MCUB: variants seen among roughly 807,000 people sequenced by gnomAD.
MCUB encodes the protein mitochondrial calcium uniporter dominant negative subunit beta.
MCUB carries 46 observed loss-of-function variants against 41.4 expected under a neutral mutation model. The ratio of observed to expected loss-of-function variants is 1.11; its 90% CI spans 0.88 to 1.42. MCUB has a LOEUF of 1.42. Ranked by LOEUF, MCUB falls within the 40% of genes most tolerant of loss-of-function variation. The pLI, the probability that MCUB is intolerant of heterozygous loss-of-function variation, is 0.00. For synonymous variants in MCUB, 148 were observed against 148.2 expected (o/e 1.00, Z 0.01); for missense variants, 403 against 404.9 (o/e 1.00, Z 0.04).
At chr4:109,572,195 G>A (rs188680478) in intron 1 of MCUB, among the ~76,000 whole-genome samples, 20 of 152,344 alleles carry the variant, frequency 1.3e-4, no homozygotes, top group South Asian at 6.2e-4. Context: ...CCCTCCAGGC[G>A]TATCATAATA....
In MCUB at chr4:109,659,154, C is replaced by A. The variant is rs138159588; in HGVS notation, c.175+68C>A. ...TCCCTTTCTTCCAAATAAAGAGCTGCGAGAGTTTTGAGCAGAATAGACTTT... is the reference window on the plus strand; with the variant it reads ...TCCCTTTCTTCCAAATAAAGAGCTGAGAGAGTTTTGAGCAGAATAGACTTT... On this transcript the variant is annotated intron_variant, in intron 2 of 7. Transcript: ENST00000394650. 5.6e-4 allele frequency: 543 copies of A among 964,038 alleles called. 2 individuals are homozygous for A. The African/African-American group carries it at 6.8e-3, about 12-fold the overall frequency. The allele number at this position is 964,038 out of a possible 1,614,324, so 59.7% of individuals were successfully genotyped here.
chr4:109,646,471 T>C (rs1561239319), intron 1 of MCUB, among the ~76,000 whole-genome samples: 1 of 152,208 alleles, frequency 6.6e-6, no homozygotes, highest in Non-Finnish European at 1.5e-5. Context: ...CCATCTATTG[T>C]ACCAGATTCT....
chr4:109,641,999 A>G (rs1376292601), intron 1 of MCUB, among the ~76,000 whole-genome samples: 1 of 152,224 alleles, frequency 6.6e-6, no homozygotes, highest in African/African-American at 2.4e-5. Context: ...TGTATACAAA[A>G]TTCTATGGTC....
chr4:109,589,129 A>G (rs893761999), intron 1 of MCUB, among the ~76,000 whole-genome samples: 6 of 152,202 alleles, frequency 3.9e-5, no homozygotes, highest in African/African-American at 1.4e-4. Context: ...AGTGAGAGCT[A>G]CTGGTGTCTT....
intron 1 of MCUB, among the ~76,000 whole-genome samples, chr4:109,620,502 C>T (rs1728229550): frequency 6.7e-6 from 1 of 149,272 alleles, no homozygotes; most frequent in African/African-American, 2.5e-5. Context: ...CTTCAAGTAA[C>T]ATACTAGATA....
At chr4:109,664,809 C>T (rs1010085596) in intron 4 of MCUB, among the ~76,000 whole-genome samples, 1 of 151,930 alleles carries the variant, frequency 6.6e-6, no homozygotes, top group African/African-American at 2.4e-5. Flanking sequence ...CTTTTAGTCC[C>T]GTATACTCTT....
At chr4:109,593,159 A>G (rs28414372) in intron 1 of MCUB, among the ~76,000 whole-genome samples, 3,536 of 152,298 alleles carry the variant, frequency 0.023, 94 homozygotes, top group South Asian at 0.073. Flanking sequence ...GATGGGATGT[A>G]GTGAAAAGGG....
At chr4:109,641,498 C>T (rs1728715502) in intron 1 of MCUB, among the ~76,000 whole-genome samples, 1 of 152,104 alleles carries the variant, frequency 6.6e-6, no homozygotes, top group Non-Finnish European at 1.5e-5. Flanking sequence ...TCAAAGATCA[C>T]AGATCACCAT....
chr4:109,572,466 A>AT (rs1332574811), intron 1 of MCUB, among the ~76,000 whole-genome samples: 1 of 152,218 alleles, frequency 6.6e-6, no homozygotes, highest in Non-Finnish European at 1.5e-5. Flanking sequence ...ATTTAGTAGC[A>AT]TTTTATAGAC....
intron 1 of MCUB, among the ~76,000 whole-genome samples, chr4:109,605,385 A>G (rs1240637784): frequency 2.0e-5 from 3 of 152,216 alleles, no homozygotes; most frequent in Non-Finnish European, 4.4e-5. Context: ...CATTGTGGTC[A>G]GAGAAAATAC....
intron 6 of MCUB, 63 bp downstream of exon 6, chr4:109,684,709 C>A (rs1466316025): frequency 1.5e-5 from 12 of 783,380 alleles, no homozygotes; most frequent in Admixed American, 9.8e-5. Context: ...CTTATCTAAG[C>A]AATGAGCAAA....
chr4:109,597,015 C>T (rs1050092555), intron 1 of MCUB, among the ~76,000 whole-genome samples: 1 of 151,802 alleles, frequency 6.6e-6, no homozygotes, highest in African/African-American at 2.4e-5. Context: ...CCTGAGTGGA[C>T]ACAGCACATG....
chr4:109,677,802 ATTTTTTTTTTTTTTTTT>A (rs71595506), intron 4 of MCUB, among the ~76,000 whole-genome samples: 1 of 86,606 alleles, frequency 1.2e-5, no homozygotes, highest in African/African-American at 4.7e-5. Context: ...AAGGAAACAA[ATTTTTTTTTTTTTTTTT>A]TTTTTTTTTT....
At chr4:109,573,867 A>ATTTTTTTTTT (rs70954166) in intron 1 of MCUB, among the ~76,000 whole-genome samples, 1 of 112,530 alleles carries the variant, frequency 8.9e-6, no homozygotes, top group Non-Finnish European at 1.8e-5. Context: ...AAAGGGTTGA[A>ATTTTTTTTTT]TTTTTTTTTT....
At chr4:109,674,347 C>CATGTT (rs1444497106) in intron 4 of MCUB, among the ~76,000 whole-genome samples, 1 of 152,204 alleles carries the variant, frequency 6.6e-6, no homozygotes, top group Non-Finnish European at 1.5e-5. Context: ...TTAACTTAAA[C>CATGTT]ATGTCACCTA....
At chr4:109,580,159 TCG>T (rs1727136237) in intron 1 of MCUB, among the ~76,000 whole-genome samples, 1 of 152,188 alleles carries the variant, frequency 6.6e-6, no homozygotes. Flanking sequence ...AATAGTTTGC[TCG>T]GAGTGATGGT....
At chr4:109,640,871 A>T (rs1454074153) in intron 1 of MCUB, among the ~76,000 whole-genome samples, 1 of 152,200 alleles carries the variant, frequency 6.6e-6, no homozygotes, top group Non-Finnish European at 1.5e-5. Context: ...TAACTGGTAC[A>T]AGAAGTTTAG....
At chr4:109,617,456 T>C (rs1430546468) in intron 1 of MCUB, among the ~76,000 whole-genome samples, 1 of 152,222 alleles carries the variant, frequency 6.6e-6, no homozygotes, top group Non-Finnish European at 1.5e-5. Flanking sequence ...AACTGATGCA[T>C]TGAAGTCCAA....
chr4:109,611,224 G>A (rs1021169911), intron 1 of MCUB, among the ~76,000 whole-genome samples: 4 of 152,190 alleles, frequency 2.6e-5, no homozygotes, highest in African/African-American at 9.7e-5. Context: ...CCAAGGTCTA[G>A]GCTTCTGTAA....
Sources: gnomAD v4.1 joint callset for allele counts (sites outside exome capture counted in the v4.1 genomes callset) on GRCh38, gnomAD v4.1.1 for gene constraint, MANE v1.5 for transcripts, NCBI Gene and HGNC (gene_info 2026-07-23, HGNC 2026-07-21) for gene names.